Variants in KALRN observed in about 807,000 individuals in gnomAD.
The protein encoded by KALRN is kalirin.
KALRN carries 70 observed loss-of-function variants against 353.7 expected under a neutral mutation model. That is an observed-to-expected ratio of 0.20 (90% CI 0.16 to 0.24). KALRN has a LOEUF of 0.24. Among genes scored for constraint, KALRN ranks in the 10% least tolerant of loss-of-function variants. The pLI, the probability that KALRN is intolerant of heterozygous loss-of-function variation, is 1.00. For missense variants in KALRN, 2,791 were observed against 3,756.7 expected (o/e 0.74, Z 6.72); for synonymous variants, 1,391 against 1,434.8 (o/e 0.97, Z 0.69).
chr3:124,482,963 C>A, intron 28 of KALRN, 63 bp downstream of exon 28: 1 of 1,121,334 alleles, frequency 8.9e-7, no homozygotes, highest in Non-Finnish European at 1.4e-6. Flanking sequence ...GGAGTCCCAG[C>A]TTTGGCCCCT....
chr3:124,385,906 C>A (rs1048041204), intron 11 of KALRN, among the ~76,000 whole-genome samples: 3 of 152,040 alleles, frequency 2.0e-5, no homozygotes, highest in Non-Finnish European at 2.9e-5. Flanking sequence ...TGTCCCCCCC[C>A]AGGAATTCCC....
intron 1 of KALRN, among the ~76,000 whole-genome samples, chr3:124,100,977 C>T (rs2061815303): frequency 6.6e-6 from 1 of 152,302 alleles, no homozygotes; most frequent in Admixed American, 6.5e-5. Flanking sequence ...GCAAAAGGAA[C>T]TCTGTTGCAA....
At chr3:124,504,328 T>G (rs988705048) in intron 33 of KALRN, among the ~76,000 whole-genome samples, 2 of 152,016 alleles carry the variant, frequency 1.3e-5, no homozygotes, top group Non-Finnish European at 2.9e-5. Flanking sequence ...CCTAGAGTCA[T>G]GAAGCCACTT....
intron 51 of KALRN, among the ~76,000 whole-genome samples, chr3:124,680,725 G>A (rs889180722): frequency 2.6e-5 from 4 of 152,214 alleles, no homozygotes; most frequent in Non-Finnish European, 5.9e-5. Context: ...TCAGGCCCGA[G>A]GCAATCGGCT....
At chr3:124,510,769 A>G (rs529991860) in intron 33 of KALRN, among the ~76,000 whole-genome samples, 3 of 152,232 alleles carry the variant, frequency 2.0e-5, no homozygotes, top group East Asian at 1.9e-4. Context: ...CATGCTCCCA[A>G]TGAGAACTGC....
At chr3:124,368,837 A>T (rs535808593) in intron 10 of KALRN, among the ~76,000 whole-genome samples, 1 of 152,302 alleles carries the variant, frequency 6.6e-6, no homozygotes, top group African/African-American at 2.4e-5. Flanking sequence ...AGGCTGGCGG[A>T]TCACTCGCGG....
intron 25 of KALRN, among the ~76,000 whole-genome samples, chr3:124,463,049 T>G (rs2059998443): frequency 6.6e-6 from 1 of 152,242 alleles, no homozygotes; most frequent in Non-Finnish European, 1.5e-5. Context: ...TCCATCCTCA[T>G]TTTATTTCAC....
intron 33 of KALRN, among the ~76,000 whole-genome samples, chr3:124,551,833 C>A (rs548656041): frequency 1.3e-5 from 2 of 152,302 alleles, no homozygotes; most frequent in Non-Finnish European, 2.9e-5. Context: ...ACAGCTGTCT[C>A]CCTGACTGCT....
Position 124,674,475 on chromosome 3 carries a change from G to T in KALRN, c.7054G>T (p.Ala2352Ser). The change falls in exon 49 of 60, where the codon GCC (alanine) becomes TCC (serine). Residue 2352 changes from alanine to serine, a missense_variant. Coordinates refer to ENST00000682506, the MANE Select transcript of KALRN (RefSeq NM_001388419.1). ...CCAAGGTGAGGTGGTCCAGGTCCTC[G>T]CCGTCAACCAGCAGAACATGTGTCT... ...VSQGEVVQVL[A>S]VNQQNMCLVY... is the part of the protein sequence containing the mutation. The T allele has an allele frequency of 1.2e-6, 2 of 1,613,966 alleles. No homozygotes were observed. Among genetic ancestry groups the T allele is most frequent in the African/African-American group, 2.7e-5 (2 of 74,972 alleles).
At chr3:124,141,839 C>A (rs1271179432) in intron 1 of KALRN, among the ~76,000 whole-genome samples, 3 of 152,108 alleles carry the variant, frequency 2.0e-5, no homozygotes, top group African/African-American at 7.2e-5. Flanking sequence ...TCCTTGCACC[C>A]CTTTTTCCTA....
At chr3:124,036,254 C>T (rs370506436) in intron 1 of KALRN, among the ~76,000 whole-genome samples, 4 of 152,138 alleles carry the variant, frequency 2.6e-5, no homozygotes, top group East Asian at 3.9e-4. Context: ...GTTTGTTATT[C>T]CTCTCTTTGT....
chr3:124,632,284 T>G (rs2080869252), intron 34 of KALRN, 136 bp from the exon 35 acceptor site: 1 of 762,294 alleles, frequency 1.3e-6, no homozygotes, highest in African/African-American at 1.7e-5. Context: ...GAGAGGGTTC[T>G]CTGGACTGGG....
intron 1 of KALRN, among the ~76,000 whole-genome samples, chr3:124,126,026 C>A (rs891709807): frequency 1.3e-5 from 2 of 152,194 alleles, no homozygotes; most frequent in African/African-American, 4.8e-5. Flanking sequence ...TACTAACATT[C>A]TCTTCTGACT....
Position 124,413,602 on chromosome 3 carries a change from A to G in KALRN, c.2479A>G (p.Thr827Ala), listed in dbSNP as rs768566780. The part of the protein sequence containing the change: ...TERKLAMNNM[T>A]FEVIQQGQDL... Reference sequence around the variant, plus strand: ...ACGGAAGCTAGCCATGAACAACATGACCTTTGAGGTTATCCAGCAGGGACA... The same window carrying G: ...ACGGAAGCTAGCCATGAACAACATGGCCTTTGAGGTTATCCAGCAGGGACA... Residue 827 changes from threonine to alanine, a missense_variant, in exon 14 of 60, where the codon ACC (threonine) becomes GCC (alanine). Physicochemically the swap from Thr to Ala is moderately conservative, Grantham distance 58 (BLOSUM62 0). Coordinates refer to ENST00000682506, the MANE Select transcript of KALRN (RefSeq NM_001388419.1). 6.2e-7 allele frequency: 1 copy of G among 1,614,122 alleles called. No individual in the cohort carries two copies. The highest frequency in any genetic ancestry group is 8.5e-7 in the Non-Finnish European group (1 of 1,179,994).
chr3:124,043,780 C>T (rs2040180024), intron 1 of KALRN, among the ~76,000 whole-genome samples: 1 of 152,104 alleles, frequency 6.6e-6, no homozygotes, highest in South Asian at 2.1e-4. Flanking sequence ...TTTAAAAGTG[C>T]TGGTGGCTTT....
intron 9 of KALRN, among the ~76,000 whole-genome samples, chr3:124,342,329 G>A (rs2081836351): frequency 6.6e-6 from 1 of 151,930 alleles, no homozygotes; most frequent in Non-Finnish European, 1.5e-5. Context: ...TCCCTTTCCG[G>A]TGTCCATTGT....
intron 9 of KALRN, among the ~76,000 whole-genome samples, chr3:124,337,697 G>A (rs2081276482): frequency 6.6e-6 from 1 of 152,176 alleles, no homozygotes; most frequent in Non-Finnish European, 1.5e-5. Flanking sequence ...TCTATTGTTT[G>A]GAATAGTTTC....
At chr3:124,161,686 A>G (rs1455675122) in intron 1 of KALRN, among the ~76,000 whole-genome samples, 1 of 152,154 alleles carries the variant, frequency 6.6e-6, no homozygotes, top group Non-Finnish European at 1.5e-5. Flanking sequence ...AGCAAGAACT[A>G]TTTGCATATC....
intron 33 of KALRN, among the ~76,000 whole-genome samples, chr3:124,523,669 C>T (rs1383951259): frequency 6.6e-6 from 1 of 152,210 alleles, no homozygotes; most frequent in Non-Finnish European, 1.5e-5. Context: ...TGGTTAATCA[C>T]ATTCTTGAGT....
Sources: allele counts gnomAD v4.1 joint callset (sites outside exome capture counted in the v4.1 genomes callset), GRCh38; gene constraint gnomAD v4.1.1; transcripts MANE v1.5; gene names NCBI Gene and HGNC (gene_info 2026-07-23, HGNC 2026-07-21).